LYSMD3: variants seen among roughly 807,000 people sequenced by gnomAD.
The protein encoded by LYSMD3 is LysM domain containing 3, also known as lysM and putative peptidoglycan-binding domain-containing protein 3.
LYSMD3 carries 13 observed loss-of-function variants against 26.1 expected under a neutral mutation model. The ratio of observed to expected loss-of-function variants is 0.50; its 90% confidence interval spans 0.32 to 0.79. LYSMD3 has a LOEUF of 0.79. Among genes scored for constraint, LYSMD3 ranks in the 30% least tolerant of loss-of-function variants. LYSMD3 has a pLI of 0.03. For missense variants in LYSMD3, 331 were observed against 362.5 expected (o/e 0.91, Z 0.71); for synonymous variants, 109 against 119.4 (o/e 0.91, Z 0.57).
intron 2 of LYSMD3, among the ~76,000 whole-genome samples, chr5:90,520,706 G>C (rs1037154760): frequency 3.3e-5 from 5 of 152,098 alleles, no homozygotes; most frequent in Non-Finnish European, 5.9e-5. Flanking sequence ...GATCACCTGA[G>C]GTCAGGAGTT....
chr5:90,522,296 C>T (rs1045853517), intron 2 of LYSMD3, among the ~76,000 whole-genome samples: 1 of 152,224 alleles, frequency 6.6e-6, no homozygotes, highest in Non-Finnish European at 1.5e-5. Flanking sequence ...GTAGATGCTG[C>T]CTGCTTATGT....
chr5:90,520,286 A>C, intron 2 of LYSMD3: 1 of 412,836 alleles, frequency 2.4e-6, no homozygotes, highest in East Asian at 7.1e-5. Flanking sequence ...CAGATTACCA[A>C]TTGGTATGCC....
In LYSMD3 at chr5:90,525,308, A is replaced by G. The variant is rs13361350; in HGVS notation, c.-11-8T>C. 0.013 allele frequency: 19,715 copies of G among 1,549,230 alleles called. 127 individuals are homozygous for G. The highest frequency in any genetic ancestry group is 0.015 in the Non-Finnish European group (16,896 of 1,149,690). ...CTGCCATAATGTTAAAATCTGGAGG[A>G]AAAAAAAAGCAGAGAAAATTTTGGA... On this transcript the variant is annotated splice_polypyrimidine_tract_variant and splice_region_variant and intron_variant, in intron 1 of 2. Coordinates refer to ENST00000315948, the MANE Select transcript of LYSMD3 (RefSeq NM_198273.2).
At position 90,516,168 on chromosome 5, in the gene LYSMD3, T is replaced by G. The variant is rs1030318185; in HGVS notation, c.*2651A>C. 6.7e-6 allele frequency: 1 copy of G among 148,180 alleles called. No homozygotes were observed. Among genetic ancestry groups the G allele is most frequent in the Non-Finnish European group, 1.5e-5 (1 of 67,928 alleles). The allele number at this position is 148,180 out of a possible 1,614,324, so 9.2% of individuals were successfully genotyped here. A position where few individuals can be genotyped will look rare whatever the true frequency, so the allele number is the denominator to read the frequency against. On this transcript the variant is annotated 3_prime_UTR_variant, in exon 3 of 3. Coordinates refer to ENST00000315948, the MANE Select transcript of LYSMD3 (RefSeq NM_198273.2). ...TAAATAAAAAGTCCTTTGGAGGAGA[T>G]AATTTAACATGAGTCTTCTAATTTT... is the stretch of plus-strand genomic sequence containing the variant.
Position 90,519,056 on chromosome 5 carries a change from T to C in LYSMD3, c.684A>G (p.Val228=). Residue 228 remains valine, a synonymous_variant, in exon 3 of 3, where the codon GTA becomes GTG. Coordinates refer to ENST00000315948, the MANE Select transcript of LYSMD3 (RefSeq NM_198273.2). The part of the protein sequence containing the change: ...WWTAVVIMLI[V]GIITPVFYLL... ...AATAAAACACTGGTGTTATTATACC[T>C]ACTATCAACATTATCACTACAGCTG... 6.2e-7 allele frequency: 1 copy of C among 1,614,128 alleles called. No homozygotes were observed. Among genetic ancestry groups the C allele is most frequent in the Admixed American group, 1.7e-5 (1 of 60,014 alleles).
chr5:90,528,131 C>CT (rs916394577), intron 1 of LYSMD3, among the ~76,000 whole-genome samples: 1 of 152,096 alleles, frequency 6.6e-6, no homozygotes, highest in Non-Finnish European at 1.5e-5. Flanking sequence ...TTAACCAGGT[C>CT]TTTTTTTAAT....
At position 90,519,353 on chromosome 5, in the gene LYSMD3, A is replaced by G. The variant is rs1753031950; in HGVS notation, c.387T>C (p.Thr129=). ...AGTATTGAACAGATGAATGACGTGA[A>G]GTCTGTCTTCCTTTTGGAGGACAAA... The part of the protein sequence containing the change: ...ETLCPPKGRQ[T]SRHSSVQYSS... The change falls in exon 3 of 3, where the codon ACT becomes ACC. Residue 129 remains threonine (T), a synonymous_variant. Transcript: ENST00000315948. The G allele has an allele frequency of 6.2e-7, 1 of 1,614,032 alleles. No individual in the cohort carries two copies. The highest frequency in any genetic ancestry group is 1.3e-5 in the African/African-American group (1 of 74,940).
intron 1 of LYSMD3, among the ~76,000 whole-genome samples, chr5:90,527,785 T>G (rs960858237): frequency 6.6e-5 from 10 of 152,216 alleles, no homozygotes; most frequent in Admixed American, 4.6e-4. Context: ...CAACCTGTAC[T>G]TTCTAGGCAT....
intron 2 of LYSMD3, 126 bp downstream of exon 2, chr5:90,524,909 T>C: frequency 1.1e-6 from 1 of 944,118 alleles, no homozygotes; most frequent in Non-Finnish European, 1.5e-6. Flanking sequence ...CACAGATTTC[T>C]ATGCAAAAAA....
chr5:90,522,431 A>G (rs1029445718), intron 2 of LYSMD3, among the ~76,000 whole-genome samples: 1 of 152,222 alleles, frequency 6.6e-6, no homozygotes, highest in Non-Finnish European at 1.5e-5. Context: ...CCATTTAAGT[A>G]CTTTTCATCA....
Position 90,529,547 on chromosome 5 carries a change from T to A in LYSMD3, c.-111A>T, listed in dbSNP as rs1483726659. On this transcript the variant is annotated 5_prime_UTR_variant, in exon 1 of 3. Coordinates refer to ENST00000315948, the MANE Select transcript of LYSMD3 (RefSeq NM_198273.2). The stretch of plus-strand genomic sequence containing the variant: ...TCATGGCCGAGCCTCTGCTTTGGGC[T>A]GACCCCGTCCGCCTCCGCCTCTGCC... 2 of 456,542 alleles carry A rather than the reference T, an allele frequency of 4.4e-6. No homozygotes were observed. The highest frequency in any genetic ancestry group is 2.0e-5 in the African/African-American group (1 of 50,180). The allele number at this position is 456,542 out of a possible 1,614,324, so 28.3% of individuals were successfully genotyped here.
rs1461414997 is a variant in LYSMD3 at position 90,516,222 on chromosome 5, T to C, written c.*2597A>G. ...TGTGGCCAGCAGAGTGTGTAACCAT[T>C]TTTAACATATCTTTTGAAAATATGA... is the stretch of plus-strand genomic sequence containing the variant. On this transcript the variant is annotated 3_prime_UTR_variant, in exon 3 of 3. Transcript: ENST00000315948. The C allele has an allele frequency of 6.6e-6, 1 of 152,080 alleles. No individual in the cohort carries two copies. Among genetic ancestry groups the C allele is most frequent in the East Asian group, 1.9e-4 (1 of 5,202 alleles). 9.4% of individuals were successfully genotyped at this position (152,080 alleles called of 1,614,324 possible).
At position 90,529,581 on chromosome 5, in the gene LYSMD3, C is replaced by T; in HGVS notation, c.-145G>A. 2 of 455,826 alleles carry T rather than the reference C, an allele frequency of 4.4e-6. No homozygotes were observed. Among genetic ancestry groups the T allele is most frequent in the Admixed American group, 4.7e-5 (2 of 42,562 alleles). 28.2% of individuals were successfully genotyped at this position (455,826 alleles called of 1,614,324 possible). ...CCGCCTCCGCCTCTGCCGCCAACGT[C>T]TCCGCCTTCCGGGCCGTACGCCGCC... On this transcript the variant is annotated 5_prime_UTR_variant, in exon 1 of 3. Coordinates refer to ENST00000315948, the MANE Select transcript of LYSMD3 (RefSeq NM_198273.2).
rs1752959040 is a variant in LYSMD3, at chr5:90,516,673, G to A, written c.*2146C>T. The A allele has an allele frequency of 6.6e-6, 1 of 152,192 alleles. No homozygotes were observed. Among genetic ancestry groups the A allele is most frequent in the Admixed American group, 6.6e-5 (1 of 15,252 alleles). 9.4% of individuals were successfully genotyped at this position (152,192 alleles called of 1,614,324 possible). On this transcript the variant is annotated 3_prime_UTR_variant, in exon 3 of 3. Transcript: ENST00000315948. ...ATGTAACCTTTATATAGAATTATAT[G>A]TAACTCAAATTATATTCAATTAATT...
chr5:90,524,783 G>A (rs1303159758), intron 2 of LYSMD3, among the ~76,000 whole-genome samples: 6 of 152,032 alleles, frequency 3.9e-5, no homozygotes, highest in Non-Finnish European at 8.8e-5. Flanking sequence ...TAGTAGAGAC[G>A]GGGTTTCACT....
intron 2 of LYSMD3, among the ~76,000 whole-genome samples, chr5:90,522,708 C>T (rs899736358): frequency 1.3e-5 from 2 of 152,196 alleles, no homozygotes; most frequent in East Asian, 1.9e-4. Flanking sequence ...TAAAACCTTA[C>T]AATATTTGTT....
chr5:90,516,738 G>C lies in LYSMD3; in HGVS notation c.*2081C>G, dbSNP rs185747405. 3 of 152,432 alleles carry C rather than the reference G, an allele frequency of 2.0e-5. No homozygotes were observed. The highest frequency in any genetic ancestry group is 2.0e-4 in the Admixed American group (3 of 15,280). 9.4% of individuals were successfully genotyped at this position (152,432 alleles called of 1,614,324 possible). Reference sequence around the variant, plus strand: ...AAATACAGAAAAAAGAAAACTACCTGATGTGTTATAAGGATGTATATTTCC... The same window carrying C: ...AAATACAGAAAAAAGAAAACTACCTCATGTGTTATAAGGATGTATATTTCC... On this transcript the variant is annotated 3_prime_UTR_variant, in exon 3 of 3. Coordinates refer to ENST00000315948, the MANE Select transcript of LYSMD3 (RefSeq NM_198273.2).
rs34548009 is a variant in LYSMD3 at position 90,519,495 on chromosome 5, G to GA, written c.256-12dup. 839,022 of 1,555,302 alleles carry GA rather than the reference G, an allele frequency of 0.54. 225,704 individuals are homozygous for GA. Among genetic ancestry groups the GA allele is most frequent in the South Asian group, 0.59 (49,844 of 84,062 alleles). On this transcript the variant is annotated splice_polypyrimidine_tract_variant and intron_variant, in intron 2 of 2. Transcript: ENST00000315948. ...CTTGATATCTGCTACCTGTGGGGGG[G>GA]AAAAAAAAGCAACATACAACTGAAT...
chr5:90,529,145 C>T (rs1226378450), intron 1 of LYSMD3, among the ~76,000 whole-genome samples: 1 of 152,246 alleles, frequency 6.6e-6, no homozygotes, highest in East Asian at 1.9e-4. Flanking sequence ...GAATATTTCA[C>T]GCCAACATAA....
Sources: gnomAD v4.1 joint callset for allele counts (sites outside exome capture counted in the v4.1 genomes callset) on GRCh38, gnomAD v4.1.1 for gene constraint, MANE v1.5 for transcripts, NCBI Gene and HGNC (gene_info 2026-07-23, HGNC 2026-07-21) for gene names.